DENND1A: variants seen among roughly 807,000 people sequenced by gnomAD.
The protein encoded by DENND1A is DENN domain-containing protein 1A.
In DENND1A, 51 loss-of-function variants were observed where a neutral mutation model predicts 113.7. The observed-to-expected ratio is 0.45, with a 90% CI of 0.36 to 0.57. The LOEUF (loss-of-function observed/expected upper bound fraction) is 0.57. DENND1A is among the 20% of genes least tolerant of loss of function. The pLI, the probability that DENND1A is intolerant of heterozygous loss-of-function variation, is 0.00. For missense variants in DENND1A, 1,258 were observed against 1,395.9 expected, an observed-to-expected ratio of 0.90 and a Z score of 1.57; for synonymous variants, 565 against 570.8, an observed-to-expected ratio of 0.99 and a Z score of 0.14.
chr9:123,588,640 G>C (rs963517713), intron 11 of DENND1A, among the ~76,000 whole-genome samples: 3 of 131,636 alleles, frequency 2.3e-5, no homozygotes, highest in Non-Finnish European at 3.2e-5. Context: ...AAAAGGGGGG[G>C]GGGGAAGAGA....
intron 9 of DENND1A, among the ~76,000 whole-genome samples, chr9:123,651,317 A>C (rs1212576923): frequency 6.6e-6 from 1 of 152,260 alleles, no homozygotes; most frequent in Non-Finnish European, 1.5e-5. Context: ...GGTAATTCTA[A>C]AATTAAAGCA....
At chr9:123,925,485 T>A (rs549494872) in intron 1 of DENND1A, among the ~76,000 whole-genome samples, 1 of 152,272 alleles carries the variant, frequency 6.6e-6, no homozygotes, top group African/African-American at 2.4e-5. Context: ...TTTTTTTTGT[T>A]GTTTTGTTTT....
chr9:123,773,884 A>C (rs1164452631), intron 3 of DENND1A, among the ~76,000 whole-genome samples: 2 of 152,196 alleles, frequency 1.3e-5, no homozygotes, highest in Non-Finnish European at 2.9e-5. Flanking sequence ...AAAACATTTA[A>C]ATAAAGAGAA....
At chr9:123,781,470 T>C (rs1831305087) in intron 3 of DENND1A, among the ~76,000 whole-genome samples, 1 of 152,210 alleles carries the variant, frequency 6.6e-6, no homozygotes, top group Non-Finnish European at 1.5e-5. Context: ...AGGAAGGACT[T>C]GTCTACATTC....
intron 23 of DENND1A, among the ~76,000 whole-genome samples, chr9:123,383,300 C>G (rs753735419): frequency 9.2e-5 from 14 of 152,246 alleles, no homozygotes; most frequent in Non-Finnish European, 8.8e-5. Flanking sequence ...CATCCACAGG[C>G]TCTGCCAAGG....
chr9:123,613,225 A>G (rs1251912940), intron 10 of DENND1A, among the ~76,000 whole-genome samples: 3 of 152,204 alleles, frequency 2.0e-5, no homozygotes, highest in East Asian at 1.9e-4. Flanking sequence ...CGGAAAAACT[A>G]TCAATGAAAC....
chr9:123,833,198 A>T (rs1840546121), intron 2 of DENND1A, among the ~76,000 whole-genome samples: 1 of 151,826 alleles, frequency 6.6e-6, no homozygotes, highest in African/African-American at 2.4e-5. Context: ...TAATTGAGGG[A>T]ATGGTGTTTG....
intron 11 of DENND1A, among the ~76,000 whole-genome samples, chr9:123,607,486 G>GACAC (rs1337200533): frequency 5.8e-5 from 5 of 86,452 alleles, no homozygotes; most frequent in African/African-American, 1.7e-4. Flanking sequence ...CACAGAGAGA[G>GACAC]AGACACACAC....
chr9:123,814,728 A>G (rs1252483498), intron 2 of DENND1A, among the ~76,000 whole-genome samples: 1 of 152,210 alleles, frequency 6.6e-6, no homozygotes, highest in Non-Finnish European at 1.5e-5. Context: ...CTAAAAAAAC[A>G]TTACTCTCCA....
At chr9:123,636,339 T>C (rs1343712834) in intron 9 of DENND1A, among the ~76,000 whole-genome samples, 2 of 151,482 alleles carry the variant, frequency 1.3e-5, no homozygotes, top group African/African-American at 4.9e-5. Flanking sequence ...TTTTTTGAGA[T>C]GGAGTCTCGC....
chr9:123,656,816 G>C (rs2062971985), intron 8 of DENND1A, among the ~76,000 whole-genome samples: 1 of 152,208 alleles, frequency 6.6e-6, no homozygotes, highest in Non-Finnish European at 1.5e-5. Flanking sequence ...ACTTGGAAAG[G>C]AAAACCTTGC....
At chr9:123,541,329 G>A (rs1165113016) in intron 13 of DENND1A, among the ~76,000 whole-genome samples, 1 of 152,162 alleles carries the variant, frequency 6.6e-6, no homozygotes, top group Admixed American at 6.5e-5. Context: ...GTGAGTACCA[G>A]GTTTTTCCTA....
chr9:123,583,897 A>G (rs560341107), intron 11 of DENND1A, among the ~76,000 whole-genome samples: 7 of 152,318 alleles, frequency 4.6e-5, no homozygotes, highest in African/African-American at 1.7e-4. Context: ...GATGAGGGAA[A>G]CTCATGCCTA....
chr9:123,757,863 T>G, intron 4 of DENND1A, 41 bp from the exon 5 acceptor site: 1 of 1,603,678 alleles, frequency 6.2e-7, no homozygotes, highest in Non-Finnish European at 8.5e-7. Context: ...GAATGTGCAG[T>G]AAGTTTCTTG....
At chr9:123,708,723 G>A (rs2066391823) in intron 5 of DENND1A, among the ~76,000 whole-genome samples, 1 of 152,136 alleles carries the variant, frequency 6.6e-6, no homozygotes, top group Admixed American at 6.5e-5. Flanking sequence ...GGAGTAGGAT[G>A]AGCAATGAGC....
At chr9:123,782,641 C>T (rs944029087) in intron 3 of DENND1A, among the ~76,000 whole-genome samples, 7 of 152,138 alleles carry the variant, frequency 4.6e-5, no homozygotes, top group Admixed American at 3.9e-4. Context: ...TAGAAATCTA[C>T]CTGGGGGATG....
At chr9:123,826,063 A>G (rs1025469257) in intron 2 of DENND1A, among the ~76,000 whole-genome samples, 9 of 152,366 alleles carry the variant, frequency 5.9e-5, no homozygotes, top group Admixed American at 2.0e-4. Context: ...TACTGTAGGA[A>G]TGTAATGAAC....
chr9:123,730,182 C>T (rs995815493), intron 5 of DENND1A, among the ~76,000 whole-genome samples: 6 of 152,188 alleles, frequency 3.9e-5, no homozygotes, highest in Non-Finnish European at 8.8e-5. Context: ...CAATACCATT[C>T]AGGACATAGG....
chr9:123,794,199 A>T (rs916254565), intron 2 of DENND1A, among the ~76,000 whole-genome samples: 2 of 152,264 alleles, frequency 1.3e-5, no homozygotes, highest in East Asian at 3.9e-4. Flanking sequence ...GCTGGCGGAG[A>T]AGAATTCGCC....
Sources: gnomAD v4.1 joint callset for allele counts (sites outside exome capture counted in the v4.1 genomes callset) on GRCh38, gnomAD v4.1.1 for gene constraint, MANE v1.5 for transcripts, NCBI Gene and HGNC (gene_info 2026-07-23, HGNC 2026-07-21) for gene names.